The following POLA2 variants were observed in gnomAD, a reference collection of about 807,000 sequenced individuals.
POLA2 encodes the protein DNA polymerase alpha subunit B.
In POLA2, 47 loss-of-function variants were observed where a neutral mutation model predicts 82.8. That is an observed-to-expected ratio of 0.57 (90% CI 0.45 to 0.72). POLA2 has a LOEUF of 0.72. POLA2 is among the 30% of genes least tolerant of loss of function. POLA2 has a pLI of 0.00. For synonymous variants in POLA2, 287 were observed against 286.8 expected, an observed-to-expected ratio of 1.00 and a Z score of -0.01; for missense variants, 634 against 728.1, an observed-to-expected ratio of 0.87 and a Z score of 1.49.
chr11:65,288,859 C>T (rs1259893140), intron 11 of POLA2, among the ~76,000 whole-genome samples, 191 bp from the exon 12 acceptor site: 3 of 152,318 alleles, frequency 2.0e-5, no homozygotes, highest in East Asian at 1.9e-4. Flanking sequence ...CTGGGGCAAA[C>T]GTGTTTCTGC....
chr11:65,279,840 TAG>T, intron 7 of POLA2: 1 of 524,002 alleles, frequency 1.9e-6, no homozygotes, highest in Non-Finnish European at 3.4e-6. Context: ...CCACTTGGAT[TAG>T]AGTCTTGCAC....
intron 1 of POLA2, among the ~76,000 whole-genome samples, chr11:65,265,769 A>G (rs369182381): frequency 1.3e-5 from 2 of 152,178 alleles, no homozygotes; most frequent in South Asian, 2.1e-4. Context: ...GAGCCACTGC[A>G]TCCGGCTTAC....
chr11:65,266,147 G>A (rs1378987467), intron 1 of POLA2, among the ~76,000 whole-genome samples: 1 of 152,020 alleles, frequency 6.6e-6, no homozygotes, highest in Non-Finnish European at 1.5e-5. Context: ...CAGTTAATAG[G>A]GACGCCACTC....
At chr11:65,305,636 T>C, downstream of POLA2, 1 of 330,696 alleles carries the variant, frequency 3.0e-6, no homozygotes, top group South Asian at 2.3e-5. Context: ...ATGACACCAT[T>C]GTACATTGTA....
chr11:65,262,228 G>T lies in POLA2; in HGVS notation c.-65G>T. The T allele has an allele frequency of 7.6e-7, 1 of 1,317,694 alleles. No individual in the cohort carries two copies. The allele number at this position is 1,317,694 out of a possible 1,614,324, so 81.6% of individuals were successfully genotyped here. ...GAGGAGCTCATCGCTCGCCACCCCC[G>T]TGGGCTTCTTGGGCGCAGGTCGGAG... On this transcript the variant is annotated 5_prime_UTR_variant, in exon 1 of 18. Coordinates refer to ENST00000265465, the MANE Select transcript of POLA2 (RefSeq NM_002689.4).
chr11:65,302,846 G>T (rs114526886), downstream of POLA2, among the ~76,000 whole-genome samples: 1 of 151,826 alleles, frequency 6.6e-6, no homozygotes, highest in African/African-American at 2.4e-5. Flanking sequence ...TCTTGCATCC[G>T]CCTCCTGAGT....
chr11:65,277,585 A>C (rs952634346), intron 5 of POLA2, among the ~76,000 whole-genome samples: 7 of 152,226 alleles, frequency 4.6e-5, no homozygotes, highest in African/African-American at 1.7e-4. Context: ...GCATCTTTGC[A>C]ACCTGGTATG....
intron 1 of POLA2, among the ~76,000 whole-genome samples, chr11:65,265,497 C>T (rs1183480501): frequency 2.6e-5 from 4 of 150,990 alleles, no homozygotes; most frequent in Non-Finnish European, 5.9e-5. Flanking sequence ...TCTTTTTTTT[C>T]TGAGACAGGG....
chr11:65,262,302 T>G lies in POLA2; in HGVS notation c.10T>G (p.Ser4Ala). The change falls in exon 1 of 18, where the codon TCC becomes GCC. Residue 4 changes from serine to alanine, a missense_variant. Ser to Ala is a moderately conservative substitution (Grantham distance 99). Coordinates refer to ENST00000265465, the MANE Select transcript of POLA2 (RefSeq NM_002689.4). ...CCTGGCTTGGGCGACCATGTCCGCA[T>G]CCGCCCAGCAGCTGGCGGAGGAGCT... MSA[S>A]AQQLAEELQI... 1 of 1,613,200 alleles carries G rather than the reference T, an allele frequency of 6.2e-7. No homozygotes were observed. The highest frequency in any genetic ancestry group is 8.5e-7 in the Non-Finnish European group (1 of 1,179,632).
intron 13 of POLA2, among the ~76,000 whole-genome samples, chr11:65,290,801 A>G: frequency 6.6e-6 from 1 of 152,228 alleles, no homozygotes; most frequent in East Asian, 1.9e-4. Flanking sequence ...TGACTTACGC[A>G]GTGAAATCCT....
At chr11:65,285,451 C>G (rs1036943345) in intron 10 of POLA2, among the ~76,000 whole-genome samples, 17 of 151,494 alleles carry the variant, frequency 1.1e-4, no homozygotes, top group African/African-American at 4.1e-4. Context: ...GCCTATAGTC[C>G]CAGCAACCTG....
intron 10 of POLA2, among the ~76,000 whole-genome samples, chr11:65,286,752 T>G (rs1305509819): frequency 6.6e-6 from 1 of 152,160 alleles, no homozygotes; most frequent in Admixed American, 6.6e-5. Flanking sequence ...AATAGGAAAC[T>G]AACACAACAG....
At chr11:65,271,771 G>A (rs1949523625) in intron 4 of POLA2, among the ~76,000 whole-genome samples, 1 of 151,012 alleles carries the variant, frequency 6.6e-6, no homozygotes, top group Non-Finnish European at 1.5e-5. Flanking sequence ...CCCGGGAGGT[G>A]GAAGTTGCAG....
chr11:65,285,710 A>G (rs1290764822), intron 10 of POLA2, among the ~76,000 whole-genome samples: 2 of 152,228 alleles, frequency 1.3e-5, no homozygotes, highest in African/African-American at 2.4e-5. Flanking sequence ...GCTGTGTACC[A>G]GAGAAGCCTT....
chr11:65,265,159 G>T (rs1397597786), intron 1 of POLA2, among the ~76,000 whole-genome samples: 1 of 151,942 alleles, frequency 6.6e-6, no homozygotes, highest in Non-Finnish European at 1.5e-5. Context: ...AATCGGGGAG[G>T]TGGAGGTTGC....
rs1225555608 is a variant in POLA2, at chr11:65,287,787, C to G, written c.1078C>G (p.Leu360Val). 4 of 1,613,960 alleles carry G rather than the reference C, an allele frequency of 2.5e-6. No homozygotes were observed. The highest frequency in any genetic ancestry group is 3.4e-6 in the Non-Finnish European group (4 of 1,179,958). Residue 360 changes from leucine to valine, a missense_variant, in exon 11 of 18, where the codon CTG (leucine) becomes GTG (valine). Physicochemically the swap from Leu to Val is conservative, Grantham distance 32. Coordinates refer to ENST00000265465, the MANE Select transcript of POLA2 (RefSeq NM_002689.4). Reference sequence around the variant, plus strand: ...ATCTGACAGCATCACGTATGACCCCCTGCTTGACCTGATTGCTGTCATCAA... The same window carrying G: ...ATCTGACAGCATCACGTATGACCCCGTGCTTGACCTGATTGCTGTCATCAA... ...TTSDSITYDP[L>V]LDLIAVINHD...
intron 14 of POLA2, 23 bp downstream of exon 14, chr11:65,294,284 C>T (rs1354025546): frequency 2.5e-6 from 4 of 1,573,926 alleles, no homozygotes; most frequent in South Asian, 1.1e-5. Flanking sequence ...ACTCCTTGAC[C>T]AGCAGGCAGC....
chr11:65,269,766 TC>T (rs1183575201), intron 4 of POLA2, among the ~76,000 whole-genome samples: 13 of 152,200 alleles, frequency 8.5e-5, no homozygotes, highest in Admixed American at 7.9e-4. Context: ...GTAAACTACA[TC>T]ATAAGAAAGA....
intron 10 of POLA2, among the ~76,000 whole-genome samples, chr11:65,283,439 T>C (rs1233461937): frequency 6.6e-6 from 1 of 152,140 alleles, no homozygotes. Context: ...TCTACAATTC[T>C]AAATTTGTTC....
Sources: gnomAD v4.1 joint callset for allele counts (sites outside exome capture counted in the v4.1 genomes callset) on GRCh38, gnomAD v4.1.1 for gene constraint, MANE v1.5 for transcripts, NCBI Gene and HGNC (gene_info 2026-07-23, HGNC 2026-07-21) for gene names.